Variants in ZNF518A observed in about 807,000 individuals in gnomAD.
ZNF518A encodes zinc finger protein 518.
A neutral mutation model predicts 102.7 loss-of-function variants in ZNF518A; 47 were observed. The ratio of observed to expected loss-of-function variants is 0.46; its 90% CI spans 0.36 to 0.58. The LOEUF (loss-of-function observed/expected upper bound fraction) is 0.58, where lower values mean the gene tolerates loss of function less well. Among genes scored for constraint, ZNF518A ranks in the 20% least tolerant of loss-of-function variants. ZNF518A has a pLI of 0.00. For synonymous variants in ZNF518A, 652 were observed against 594.6 expected (o/e 1.10, Z -1.40); for missense variants, 1,793 against 1,699.8 (o/e 1.05, Z -0.96).
At chr10:96,167,811 A>T (rs1416429724), downstream of ZNF518A, among the ~76,000 whole-genome samples, 1 of 152,224 alleles carries the variant, frequency 6.6e-6, no homozygotes, top group Non-Finnish European at 1.5e-5. Context: ...CAAAAAATGT[A>T]AGTATTTGTG....
intron 3 of ZNF518A, among the ~76,000 whole-genome samples, chr10:96,140,204 A>T (rs1416428940): frequency 6.6e-6 from 1 of 152,194 alleles, no homozygotes; most frequent in South Asian, 2.1e-4. Flanking sequence ...CTTATGGATT[A>T]ATGTGGGGAG....
chr10:96,176,854 G>T (rs1274688845), intron 1 of ZNF518A, among the ~76,000 whole-genome samples: 1 of 152,142 alleles, frequency 6.6e-6, no homozygotes, highest in East Asian at 1.9e-4. Context: ...CTGAGATCGT[G>T]CCACTGCATT....
chr10:96,149,036 T>G (rs2133554862), intron 3 of ZNF518A, among the ~76,000 whole-genome samples: 1 of 152,108 alleles, frequency 6.6e-6, no homozygotes, highest in East Asian at 1.9e-4. Flanking sequence ...TTCTTTTACC[T>G]CAATCTGTTA....
At chr10:96,193,892 T>G (rs2083391832) in intron 1 of ZNF518A, among the ~76,000 whole-genome samples, 1 of 152,246 alleles carries the variant, frequency 6.6e-6, no homozygotes, top group Non-Finnish European at 1.5e-5. Context: ...ACTTTAATTT[T>G]CCATTCAGAT....
intron 3 of ZNF518A, among the ~76,000 whole-genome samples, chr10:96,135,558 TACAA>T (rs1334573310): frequency 6.6e-6 from 1 of 152,250 alleles, no homozygotes; most frequent in Non-Finnish European, 1.5e-5. Flanking sequence ...TCACTCAACC[TACAA>T]ACATTTTTTT....
rs2082899765 is a variant in ZNF518A at position 96,159,635 on chromosome 10, G to A, written c.3313G>A (p.Val1105Ile). The A allele has an allele frequency of 1.9e-6, 3 of 1,613,724 alleles. No individual in the cohort carries two copies. Among genetic ancestry groups the A allele is most frequent in the Middle Eastern group, 1.7e-4 (1 of 6,060 alleles). ...YTFLPDGKQA[V>I]FLKCVMPNKT... ...CTTCTTGCCTGATGGCAAACAAGCT[G>A]TTTTTTTAAAGTGTGTGATGCCAAA... The change falls in exon 6 of 6, where the codon GTT becomes ATT. Residue 1105 changes from valine to isoleucine, a missense_variant. Around this residue, in one of 3 missense-constraint regions of ZNF518A, gnomAD observed 1,741 missense variants for 1,622.6 expected, o/e 1.07. Coordinates refer to ENST00000316045, the MANE Select transcript of ZNF518A (RefSeq NM_001330736.2).
At chr10:96,143,350 G>T (rs1219564416) in intron 3 of ZNF518A, among the ~76,000 whole-genome samples, 1 of 152,056 alleles carries the variant, frequency 6.6e-6, no homozygotes, top group African/African-American at 2.4e-5. Context: ...TCTATAGTCT[G>T]TTCTCACTTA....
chr10:96,157,003 T>C lies in ZNF518A; in HGVS notation c.681T>C (p.His227=), dbSNP rs2082724687. The C allele has an allele frequency of 6.2e-7, 1 of 1,613,846 alleles. No individual in the cohort carries two copies. Among genetic ancestry groups the C allele is most frequent in the Admixed American group, 1.7e-5 (1 of 60,018 alleles). Residue 227 remains histidine, a synonymous_variant, in exon 6 of 6, where the codon CAT becomes CAC. Transcript: ENST00000316045. ...QDVGTFVQHI[H]RHNEIHYKCG... The stretch of plus-strand genomic sequence containing the variant: ...TTGGCACATTTGTTCAGCACATTCA[T>C]AGACATAATGAAATTCATTATAAGT...
intron 3 of ZNF518A, among the ~76,000 whole-genome samples, chr10:96,134,575 A>G (rs1411895223): frequency 5.9e-5 from 9 of 152,306 alleles, no homozygotes; most frequent in South Asian, 4.1e-4. Flanking sequence ...AGTTTGTACT[A>G]TTTGACCCAG....
intron 3 of ZNF518A, among the ~76,000 whole-genome samples, chr10:96,139,598 C>T (rs1020466033): frequency 2.0e-5 from 3 of 152,148 alleles, no homozygotes; most frequent in Admixed American, 6.6e-5. Context: ...TACTCTGTTA[C>T]AGCAGCCAGA....
chr10:96,203,810 C>T, intron 2 of ZNF518A: 1 of 346,550 alleles, frequency 2.9e-6, no homozygotes, highest in Non-Finnish European at 5.2e-6. Context: ...AAAAAGGATG[C>T]ATGATCAGTA....
chr10:96,173,228 A>G (rs1554891104), intron 1 of ZNF518A, among the ~76,000 whole-genome samples: 4 of 152,128 alleles, frequency 2.6e-5, no homozygotes. Flanking sequence ...CTAAGAGACA[A>G]CTGTTTATAT....
At chr10:96,203,273 CTT>C (rs1212424267) in intron 1 of ZNF518A, among the ~76,000 whole-genome samples, 32 of 152,092 alleles carry the variant, frequency 2.1e-4, no homozygotes, top group Admixed American at 2.1e-3. Flanking sequence ...ATCATTTTCA[CTT>C]TGTGTTGTCA....
intron 3 of ZNF518A, among the ~76,000 whole-genome samples, chr10:96,151,190 A>G (rs1366936932): frequency 4.6e-5 from 7 of 152,006 alleles, no homozygotes; most frequent in African/African-American, 1.2e-4. Context: ...TTTTGTTGGC[A>G]TTGTTGGGTG....
chr10:96,129,948 C>G (rs1489827935), upstream of ZNF518A: 10 of 152,662 alleles, frequency 6.6e-5, no homozygotes, highest in Admixed American at 3.9e-4. Flanking sequence ...CTCGTCAGAC[C>G]GAGCGCGGAC....
chr10:96,176,399 T>G (rs1027283571), intron 1 of ZNF518A, among the ~76,000 whole-genome samples: 4 of 152,172 alleles, frequency 2.6e-5, no homozygotes, highest in Non-Finnish European at 4.4e-5. Flanking sequence ...TTAAATTTTA[T>G]GAAAATGATA....
intron 3 of ZNF518A, among the ~76,000 whole-genome samples, chr10:96,133,989 A>G (rs782492913): frequency 9.2e-5 from 14 of 152,218 alleles, no homozygotes; most frequent in Non-Finnish European, 1.5e-4. Context: ...GTTATTCCTG[A>G]AGAGATAAAG....
intron 1 of ZNF518A, among the ~76,000 whole-genome samples, chr10:96,177,411 G>T (rs904501171): frequency 6.6e-6 from 1 of 152,080 alleles, no homozygotes; most frequent in East Asian, 1.9e-4. Flanking sequence ...GAAGAAAAAT[G>T]GTATCTTATC....
intron 3 of ZNF518A, among the ~76,000 whole-genome samples, chr10:96,153,931 G>A (rs61858658): frequency 0.051 from 7,747 of 152,156 alleles, 275 homozygotes; most frequent in Middle Eastern, 0.086. Context: ...ATTAGAGAAG[G>A]AAAAGCTGTC....
Sources: allele counts gnomAD v4.1 joint callset (sites outside exome capture counted in the v4.1 genomes callset), GRCh38; gene constraint gnomAD v4.1.1; regional missense constraint gnomAD v4.1.1; transcripts MANE v1.5; gene names NCBI Gene and HGNC (gene_info 2026-07-23, HGNC 2026-07-21).